Variants in SYN2 observed in about 807,000 individuals in gnomAD.
The protein encoded by SYN2 is synapsin II, also known as synapsin-2.
SYN2 carries 19 observed loss-of-function variants against 50.9 expected under a neutral mutation model. The ratio of observed to expected loss-of-function variants is 0.37; its 90% CI spans 0.26 to 0.55. The LOEUF is 0.55. Among genes scored for constraint, SYN2 ranks in the 20% least tolerant of loss-of-function variants. SYN2 has a pLI of 0.81. For synonymous variants in SYN2, 255 were observed against 224.9 expected, an observed-to-expected ratio of 1.13 and a Z score of -1.20; for missense variants, 587 against 576.4, an observed-to-expected ratio of 1.02 and a Z score of -0.19.
intron 1 of SYN2, 57 bp from the exon 2 acceptor site, chr3:12,140,594 G>A: frequency 1.4e-6 from 1 of 721,392 alleles, no homozygotes; most frequent in Non-Finnish European, 2.6e-6. Context: ...AATAGTAAAT[G>A]TCTGACTTTA....
intron 1 of SYN2, among the ~76,000 whole-genome samples, chr3:12,065,653 G>A (rs1445371352): frequency 6.6e-6 from 1 of 152,010 alleles, no homozygotes; most frequent in African/African-American, 2.4e-5. Context: ...TAAACATTGG[G>A]TACTCGTAGA....
At chr3:12,139,760 TTA>T (rs1696974408) in intron 1 of SYN2, among the ~76,000 whole-genome samples, 1 of 152,158 alleles carries the variant, frequency 6.6e-6, no homozygotes, top group South Asian at 2.1e-4. Context: ...CAAGCTCAAC[TTA>T]CCTAACAGGT....
intron 1 of SYN2, among the ~76,000 whole-genome samples, chr3:12,046,042 A>G (rs1040753248): frequency 2.6e-5 from 4 of 152,124 alleles, no homozygotes; most frequent in African/African-American, 9.7e-5. Context: ...CTCTAACTAA[A>G]TATTTGTTTA....
At chr3:12,020,755 A>C (rs763042546) in intron 1 of SYN2, among the ~76,000 whole-genome samples, 4 of 152,258 alleles carry the variant, frequency 2.6e-5, no homozygotes, top group Admixed American at 1.3e-4. Context: ...TGTACTTCAT[A>C]TATTCTTTCA....
chr3:12,162,219 G>A (rs1697671176), intron 7 of SYN2, 65 bp downstream of exon 7: 2 of 1,572,886 alleles, frequency 1.3e-6, no homozygotes, highest in Non-Finnish European at 1.7e-6. Flanking sequence ...CCACATTGCA[G>A]CCAACTCTCA....
At chr3:12,155,653 C>T (rs1022720610) in intron 5 of SYN2, among the ~76,000 whole-genome samples, 1 of 152,204 alleles carries the variant, frequency 6.6e-6, no homozygotes, top group African/African-American at 2.4e-5. Context: ...GGAGCTTGTG[C>T]CTTCTCCTGT....
rs1465202324 is a variant in SYN2 at position 12,191,232 on chromosome 3, C to G, written c.*607C>G. The G allele has an allele frequency of 3.1e-6, 3 of 961,450 alleles. No homozygotes were observed. The highest frequency in any genetic ancestry group is 2.5e-6 in the Non-Finnish European group (2 of 808,116). 59.6% of individuals were successfully genotyped at this position (961,450 alleles called of 1,614,324 possible). A position where few individuals can be genotyped will look rare whatever the true frequency, so the allele number is the denominator to read the frequency against. On this transcript the variant is annotated 3_prime_UTR_variant, in exon 13 of 13. Coordinates refer to ENST00000621198, the MANE Select transcript of SYN2 (RefSeq NM_133625.6). ...GGGAGAACAAGGATCTGCAGTTTCC[C>G]CTTTTCTCCCCTCTGAAGAGTGGTT...
intron 5 of SYN2, among the ~76,000 whole-genome samples, chr3:12,155,217 T>C (rs553891687): frequency 6.6e-6 from 1 of 152,320 alleles, no homozygotes; most frequent in South Asian, 2.1e-4. Context: ...GGAATACAGA[T>C]ATAAAAATGA....
intron 1 of SYN2, among the ~76,000 whole-genome samples, chr3:12,134,640 G>C (rs890384678): frequency 1.3e-4 from 20 of 152,198 alleles, no homozygotes; most frequent in African/African-American, 4.6e-4. Context: ...TACTGCAGTT[G>C]ATACCCTGAA....
intron 1 of SYN2, among the ~76,000 whole-genome samples, chr3:12,053,500 T>C (rs973191489): frequency 5.9e-5 from 9 of 151,534 alleles, no homozygotes; most frequent in Middle Eastern, 6.8e-3. Flanking sequence ...TCTCATTATC[T>C]GATAAATGTA....
intron 1 of SYN2, among the ~76,000 whole-genome samples, chr3:12,056,390 C>A (rs1029103003): frequency 6.7e-6 from 1 of 149,694 alleles, no homozygotes; most frequent in Non-Finnish European, 1.5e-5. Context: ...TGCCTTATAA[C>A]AACTCATTAA....
At chr3:12,163,725 C>T (rs774970008) in intron 7 of SYN2, among the ~76,000 whole-genome samples, 2 of 152,102 alleles carry the variant, frequency 1.3e-5, no homozygotes, top group Non-Finnish European at 2.9e-5. Context: ...TTTTAGTTTA[C>T]AATTTTATAT....
At chr3:12,067,399 A>G (rs1231659281) in intron 1 of SYN2, among the ~76,000 whole-genome samples, 3 of 152,170 alleles carry the variant, frequency 2.0e-5, no homozygotes, top group Non-Finnish European at 4.4e-5. Context: ...CAAGTCTTCT[A>G]TGAAACTTCA....
chr3:12,067,353 T>C (rs1392137323), intron 1 of SYN2, among the ~76,000 whole-genome samples: 2 of 152,188 alleles, frequency 1.3e-5, no homozygotes, highest in Non-Finnish European at 2.9e-5. Flanking sequence ...GGTAAACCTT[T>C]CCTTTCCTTG....
chr3:12,157,057 G>A (rs1042279345), intron 5 of SYN2: 2 of 670,542 alleles, frequency 3.0e-6, no homozygotes, highest in Non-Finnish European at 5.1e-6. Context: ...AGGATTTTGT[G>A]TCCTCAGATG....
intron 1 of SYN2, among the ~76,000 whole-genome samples, chr3:12,059,257 GA>G (rs1206687538): frequency 3.3e-4 from 50 of 152,288 alleles, no homozygotes; most frequent in African/African-American, 1.1e-3. Context: ...GAAGTACAAG[GA>G]AAATCATAAA....
chr3:12,085,372 C>T (rs201303121), intron 1 of SYN2, among the ~76,000 whole-genome samples: 6 of 150,274 alleles, frequency 4.0e-5, no homozygotes, highest in African/African-American at 9.7e-5. Context: ...CACACACACA[C>T]ACACACACGC....
At chr3:12,183,720 G>T in intron 11 of SYN2, 1 of 1,216,380 alleles carries the variant, frequency 8.2e-7, no homozygotes, top group Non-Finnish European at 1.0e-6. Context: ...CCCAAGTCCA[G>T]TGTGACTTTA....
At chr3:12,178,921 C>T (rs1162024772) in intron 10 of SYN2, among the ~76,000 whole-genome samples, 1 of 152,220 alleles carries the variant, frequency 6.6e-6, no homozygotes, top group Non-Finnish European at 1.5e-5. Flanking sequence ...CTTCTGGGCC[C>T]CAATTCAGGG....
Sources: gnomAD v4.1 joint callset for allele counts (sites outside exome capture counted in the v4.1 genomes callset) on GRCh38, gnomAD v4.1.1 for gene constraint, MANE v1.5 for transcripts, NCBI Gene and HGNC (gene_info 2026-07-23, HGNC 2026-07-21) for gene names.